SDF4: variants seen among roughly 807,000 people sequenced by gnomAD.
SDF4 encodes the protein stromal cell derived factor 4.
A neutral mutation model predicts 34.2 loss-of-function variants in SDF4; 22 were observed. The observed-to-expected ratio is 0.64, with a 90% CI of 0.46 to 0.92. The LOEUF is 0.92. SDF4 is among the 40% of genes least tolerant of loss of function. SDF4 has a pLI of 0.00. For missense variants in SDF4, 447 were observed against 499.9 expected, an observed-to-expected ratio of 0.89 and a Z score of 1.01; for synonymous variants, 236 against 203.1, an observed-to-expected ratio of 1.16 and a Z score of -1.38.
chr1:1,218,971 A>G lies in SDF4; in HGVS notation c.557-44T>C. 6.2e-7 allele frequency: 1 copy of G among 1,612,604 alleles called. No homozygotes were observed. Among genetic ancestry groups the G allele is most frequent in the Non-Finnish European group, 8.5e-7 (1 of 1,179,852 alleles). On this transcript the variant is annotated intron_variant, in intron 4 of 6. Transcript: ENST00000360001. This position sits in a 1 kb window ranked among gnomAD's most constrained non-coding sequence, Gnocchi z 7.9. ...GTGGGTATCGAGGCCGACAGACGCCAGCACGCAAATCCAGAAAGTTCCGAG... is the reference window on the plus strand; with the variant it reads ...GTGGGTATCGAGGCCGACAGACGCCGGCACGCAAATCCAGAAAGTTCCGAG...
chr1:1,219,609 G>A (rs1485730034), intron 4 of SDF4: 4 of 987,136 alleles, frequency 4.1e-6, no homozygotes, highest in African/African-American at 1.7e-5. Flanking sequence ...GCCGGGACAC[G>A]GCACTGCCTC....
At chr1:1,219,355 C>T in intron 4 of SDF4, 4 of 1,104,960 alleles carry the variant, frequency 3.6e-6, no homozygotes, top group Non-Finnish European at 4.4e-6. Context: ...CACCCCAGGA[C>T]ACAGCTCAGA....
At chr1:1,231,333 G>A (rs969575567) in intron 1 of SDF4, among the ~76,000 whole-genome samples, 12 of 152,264 alleles carry the variant, frequency 7.9e-5, no homozygotes, top group Non-Finnish European at 4.4e-5. Context: ...CTTAGGCAGA[G>A]ACGCTATTTC....
At chr1:1,229,569 C>T (rs896684895) in intron 1 of SDF4, among the ~76,000 whole-genome samples, 6 of 152,144 alleles carry the variant, frequency 3.9e-5, no homozygotes, top group African/African-American at 7.2e-5. Flanking sequence ...ATCTCTCTCT[C>T]GAGCTGTCAG....
chr1:1,228,501 C>T lies in SDF4; in HGVS notation c.272G>A (p.Arg91Gln), dbSNP rs147456000. The T allele has an allele frequency of 1.2e-4, 193 of 1,609,010 alleles. No homozygotes were observed. Among genetic ancestry groups the T allele is most frequent in the African/African-American group, 9.6e-4 (72 of 74,946 alleles). ...GATGACCATCAGCTTCCTCCGGCTC[C>T]GCCGCGGCTCCGCGTCCTCATCAAA... ...GGFDEDAEPR[R>Q]SRRKLMVIFS... The change falls in exon 2 of 7, where the codon CGG (arginine) becomes CAG (glutamine). Residue 91 changes from arginine to glutamine, a missense_variant. Coordinates refer to ENST00000360001, the MANE Select transcript of SDF4 (RefSeq NM_016176.6).
rs1259357667 is a variant in SDF4 at position 1,217,307 on chromosome 1, C to T, written c.*205G>A. On this transcript the variant is annotated 3_prime_UTR_variant, in exon 7 of 7. Coordinates refer to ENST00000360001, the MANE Select transcript of SDF4 (RefSeq NM_016176.6). The surrounding 1 kb of genome is among the most constrained non-coding windows in gnomAD (Gnocchi z 8.5). ...GCCGCGGGGCCACAGCCCAGCCCCG[C>T]GCCCCGACCGCGTCACAGCCAAAGC... The T allele has an allele frequency of 7.9e-5, 20 of 252,356 alleles. No homozygotes were observed. Among genetic ancestry groups the T allele is most frequent in the Non-Finnish European group, 1.2e-4 (17 of 137,874 alleles). The allele number at this position is 252,356 out of a possible 1,614,324, so 15.6% of individuals were successfully genotyped here.
At chr1:1,220,266 C>A (rs1251888009) in intron 4 of SDF4, 6 of 1,048,666 alleles carry the variant, frequency 5.7e-6, no homozygotes, top group Non-Finnish European at 6.9e-6. Flanking sequence ...GACTGCTGTC[C>A]CTGTGAGAAG....
At chr1:1,219,916 C>T in intron 4 of SDF4, 1 of 967,818 alleles carries the variant, frequency 1.0e-6, no homozygotes, top group Non-Finnish European at 1.2e-6. Flanking sequence ...CCATCTTATC[C>T]CTTTCTGAAC....
At chr1:1,230,618 T>G (rs754063143) in intron 1 of SDF4, among the ~76,000 whole-genome samples, 1 of 151,772 alleles carries the variant, frequency 6.6e-6, no homozygotes, top group Non-Finnish European at 1.5e-5. Flanking sequence ...CCACCTCCAC[T>G]CTCCACTAAT....
At position 1,217,524 on chromosome 1, in the gene SDF4, G is replaced by A. The variant is rs141093711; in HGVS notation, c.1056C>T (p.His352=). ...SKLVDYARSV[H]EEF ...CGCGGCCGGGCGCTCAAAACTCCTC[G>A]TGCACGCTGCGCGCGTAGTCCACCA... Residue 352 remains histidine, a synonymous_variant, in exon 7 of 7, where the codon CAC becomes CAT. Transcript: ENST00000360001. The surrounding 1 kb of genome is among the most constrained non-coding windows in gnomAD (Gnocchi z 8.5). 1,616 of 1,605,848 alleles carry A rather than the reference G, an allele frequency of 1.0e-3. No individual in the cohort carries two copies. The highest frequency in any genetic ancestry group is 1.2e-3 in the Non-Finnish European group (1,449 of 1,175,630).
intron 3 of SDF4, among the ~76,000 whole-genome samples, chr1:1,223,568 A>G (rs75967767): frequency 0.12 from 17,881 of 152,224 alleles, 1,210 homozygotes; most frequent in African/African-American, 0.18. Flanking sequence ...AGAGGCATAG[A>G]CACCACCAGA....
At position 1,218,730 on chromosome 1, in the gene SDF4, T is replaced by C. The variant is rs367956864; in HGVS notation, c.715+39A>G. ...ATGCCCGGCCCCTGCCAGTCGGTCC[T>C]GGGTCCTGGCGTGCCGGCCAGGCTG... On this transcript the variant is annotated intron_variant, in intron 5 of 6. Transcript: ENST00000360001. The surrounding 1 kb of genome is among the most constrained non-coding windows in gnomAD (Gnocchi z 7.9). The C allele has an allele frequency of 4.0e-5, 64 of 1,612,004 alleles. No homozygotes were observed. In the African/African-American group the frequency reaches 5.9e-4, roughly 15 times the overall value.
intron 4 of SDF4, among the ~76,000 whole-genome samples, chr1:1,222,144 G>A (rs1650002348): frequency 6.6e-6 from 1 of 152,232 alleles, no homozygotes; most frequent in South Asian, 2.1e-4. Flanking sequence ...CAGGATGCCG[G>A]GCAGCGACGG....
At chr1:1,222,374 G>A (rs1014008391) in intron 4 of SDF4, among the ~76,000 whole-genome samples, 12 of 152,148 alleles carry the variant, frequency 7.9e-5, no homozygotes, top group South Asian at 2.1e-4. Flanking sequence ...CCCGGGTGCC[G>A]GGCCCCACCC....
At chr1:1,229,859 T>C (rs1638438474) in intron 1 of SDF4, among the ~76,000 whole-genome samples, 1 of 152,166 alleles carries the variant, frequency 6.6e-6, no homozygotes, top group Non-Finnish European at 1.5e-5. Context: ...CGTCAGGGCC[T>C]GGTCCCAGCA....
In SDF4 at chr1:1,228,902, TG is replaced by T; in HGVS notation, c.-131del. On this transcript the variant is annotated 5_prime_UTR_variant, in exon 2 of 7. Coordinates refer to ENST00000360001, the MANE Select transcript of SDF4 (RefSeq NM_016176.6). ...AATCCCCGGGCACCACGGAGGGCTC[TG>T]TGTCCCCAGGACGGCCGCAGGATGG... The T allele has an allele frequency of 1.2e-6, 1 of 836,376 alleles. No homozygotes were observed. Among genetic ancestry groups the T allele is most frequent in the Non-Finnish European group, 1.8e-6 (1 of 545,166 alleles). 51.8% of individuals were successfully genotyped at this position (836,376 alleles called of 1,614,324 possible).
At chr1:1,227,904 G>A (rs1265059452) in intron 2 of SDF4, among the ~76,000 whole-genome samples, 1 of 152,158 alleles carries the variant, frequency 6.6e-6, no homozygotes, top group African/African-American at 2.4e-5. Flanking sequence ...ATGGGCCACT[G>A]ACAGCACAGC....
intron 2 of SDF4, among the ~76,000 whole-genome samples, chr1:1,226,946 A>G (rs4970423): frequency 0.99 from 151,497 of 152,260 alleles, 75,372 homozygotes; most frequent in Middle Eastern, 1. Flanking sequence ...GGGCACCAGC[A>G]GCCTCTTCGT....
At chr1:1,229,737 G>A (rs532814704) in intron 1 of SDF4, among the ~76,000 whole-genome samples, 1 of 152,132 alleles carries the variant, frequency 6.6e-6, no homozygotes, top group African/African-American at 2.4e-5. Context: ...TATGACCTTA[G>A]CTAAGTCATG....
Sources: gnomAD v4.1 joint callset for allele counts (sites outside exome capture counted in the v4.1 genomes callset) on GRCh38, gnomAD v4.1.1 for gene constraint, Gnocchi (gnomAD v3.1) non-coding constraint, MANE v1.5 for transcripts, NCBI Gene and HGNC (gene_info 2026-07-23, HGNC 2026-07-21) for gene names.